Variants in ACTR3C observed in about 807,000 individuals in gnomAD.
ACTR3C encodes the protein actin related protein 3C, also known as actin-related protein 3C.
Under a neutral mutation model 26.3 loss-of-function variants are expected in ACTR3C, and 18 were observed. That is an observed-to-expected ratio of 0.68 (90% confidence interval 0.47 to 1.01). ACTR3C has a LOEUF of 1.01. ACTR3C is among the 50% of genes least tolerant of loss of function. The pLI, the probability that ACTR3C is intolerant of heterozygous loss-of-function variation, is 0.00. For missense variants in ACTR3C, 184 were observed against 250.7 expected (o/e 0.73, Z 1.80); for synonymous variants, 55 against 94.5 (o/e 0.58, Z 2.42).
the ACTR3C span, among the ~76,000 whole-genome samples, chr7:150,123,621 A>ACC: frequency 2.0e-5 from 3 of 149,936 alleles, no homozygotes; most frequent in African/African-American, 7.4e-5. Context: ...ACAAACACAC[A>ACC]CCCCTATTGG....
the ACTR3C span, among the ~76,000 whole-genome samples, chr7:150,114,931 G>A: frequency 6.6e-6 from 1 of 152,050 alleles, no homozygotes; most frequent in African/African-American, 2.4e-5. Flanking sequence ...CCCAAGTATA[G>A]ATTTGAAATA....
chr7:150,108,899 G>A, the ACTR3C span, among the ~76,000 whole-genome samples: 193 of 151,762 alleles, frequency 1.3e-3, 5 homozygotes, highest in Admixed American at 0.011. Context: ...TGCTGGAGAG[G>A]CAGCTGCAAG....
chr7:150,123,793 G>C, the ACTR3C span, among the ~76,000 whole-genome samples: 1 of 152,206 alleles, frequency 6.6e-6, no homozygotes, highest in African/African-American at 2.4e-5. Flanking sequence ...CTTAGAAGAA[G>C]TATGCAGAAT....
At chr7:149,918,881 G>A in the ACTR3C span, among the ~76,000 whole-genome samples, 18 of 152,178 alleles carry the variant, frequency 1.2e-4, no homozygotes, top group Non-Finnish European at 1.5e-4. Flanking sequence ...ATCCTTAAAG[G>A]CTCTGGAACT....
chr7:150,303,183 A>T lies in ACTR3C; in HGVS notation c.-51-7836T>A, dbSNP rs144090935. Among the ~76,000 whole-genome samples the T allele has an allele frequency of 7.1e-3, 1,081 of 152,182 alleles. 19 individuals are homozygous for T. The highest frequency in any genetic ancestry group is 0.024 in the African/African-American group (993 of 41,424). On this transcript the variant is annotated intron_variant, in intron 1 of 7. Transcript: ENST00000683684. ...GGCCAGTAAGACACAAAAGCTGGAG[A>T]ATGGTTGCCAGGAAAGCTCCTTACA...
the ACTR3C span, among the ~76,000 whole-genome samples, chr7:150,226,883 T>C: frequency 1.3e-5 from 2 of 152,342 alleles, no homozygotes; most frequent in East Asian, 3.9e-4. Flanking sequence ...TTTCTTATTG[T>C]TGAGTTTTAA....
rs528347268 is a variant in ACTR3C at position 150,271,263 on chromosome 7, C to T, written c.564+13490G>A. ...TGCAGGTTTGTTACACAGGTATACA[C>T]GTGCCACGGTGGTTTGCTGCACCCA... On this transcript the variant is annotated intron_variant, in intron 6 of 7. Transcript: ENST00000683684. Among the ~76,000 whole-genome samples, 6 of 146,108 alleles carry T rather than the reference C, an allele frequency of 4.1e-5. No individual in the cohort carries two copies. In the South Asian group the frequency reaches 6.7e-4, roughly 16 times the overall value.
At chr7:149,979,223 G>A in the ACTR3C span, among the ~76,000 whole-genome samples, 38 of 152,354 alleles carry the variant, frequency 2.5e-4, no homozygotes, top group African/African-American at 9.1e-4. Context: ...AAATCATTAT[G>A]TGTCATTGTG....
At chr7:150,190,822 A>G in the ACTR3C span, among the ~76,000 whole-genome samples, 1 of 152,194 alleles carries the variant, frequency 6.6e-6, no homozygotes, top group African/African-American at 2.4e-5. Flanking sequence ...AGGCCTCAGG[A>G]AACTTACAAT....
intron 6 of ACTR3C, among the ~76,000 whole-genome samples, chr7:150,265,365 T>C (rs1833949918): frequency 6.7e-6 from 1 of 149,696 alleles, no homozygotes; most frequent in Admixed American, 6.6e-5. Context: ...ATTAATGTAA[T>C]AGATTTTTTT....
At chr7:150,023,180 T>C in the ACTR3C span, among the ~76,000 whole-genome samples, 1 of 147,390 alleles carries the variant, frequency 6.8e-6, no homozygotes, top group Admixed American at 6.8e-5. Context: ...TATATAGATA[T>C]CTCTCTATAT....
chr7:150,309,016 G>A (rs1362283837), intron 1 of ACTR3C, among the ~76,000 whole-genome samples: 1 of 152,114 alleles, frequency 6.6e-6, no homozygotes, highest in Non-Finnish European at 1.5e-5. Context: ...CCCCAGATGA[G>A]CGGGAAAGAG....
chr7:150,172,684 C>A, the ACTR3C span, among the ~76,000 whole-genome samples: 33 of 150,612 alleles, frequency 2.2e-4, 2 homozygotes, highest in African/African-American at 8.0e-4. Flanking sequence ...TCCAAAGTCT[C>A]ATCTGAGACA....
the ACTR3C span, among the ~76,000 whole-genome samples, chr7:150,027,848 A>G: frequency 1.3e-5 from 2 of 152,116 alleles, no homozygotes; most frequent in Non-Finnish European, 2.9e-5. Context: ...ATAATGGGCC[A>G]AAGACTTTTA....
At chr7:150,106,013 C>A in the ACTR3C span, among the ~76,000 whole-genome samples, 1 of 152,002 alleles carries the variant, frequency 6.6e-6, no homozygotes, top group African/African-American at 2.4e-5. Flanking sequence ...TTAGGAGAAG[C>A]TTTTAATAGA....
the ACTR3C span, among the ~76,000 whole-genome samples, chr7:149,948,357 C>T: frequency 2.0e-5 from 3 of 149,498 alleles, no homozygotes; most frequent in African/African-American, 5.1e-5. Flanking sequence ...CTCTGGATCC[C>T]TGAATTCTCC....
chr7:150,292,500 ATTTTTTTT>A (rs571206179), intron 3 of ACTR3C, among the ~76,000 whole-genome samples: 1 of 138,236 alleles, frequency 7.2e-6, no homozygotes, highest in African/African-American at 2.8e-5. Context: ...TGGCTTTTAA[ATTTTTTTT>A]TTTTTTTTTT....
the ACTR3C span, among the ~76,000 whole-genome samples, chr7:149,974,544 C>T: frequency 1.4e-3 from 208 of 152,322 alleles, no homozygotes; most frequent in Middle Eastern, 3.4e-3. Context: ...ACTGCTGCCC[C>T]TCCACACCAC....
intron 6 of ACTR3C, among the ~76,000 whole-genome samples, chr7:150,255,176 A>AT (rs2129609578): frequency 6.6e-6 from 1 of 151,658 alleles, no homozygotes; most frequent in East Asian, 1.9e-4. Flanking sequence ...ATGGAAGGAA[A>AT]TGCTCCTTGC....
Sources: gnomAD v4.1 joint callset for allele counts (sites outside exome capture counted in the v4.1 genomes callset) on GRCh38, gnomAD v4.1.1 for gene constraint, MANE v1.5 for transcripts, NCBI Gene and HGNC (gene_info 2026-07-23, HGNC 2026-07-21) for gene names.